TNFAIP8: variants seen among roughly 807,000 people sequenced by gnomAD.
TNFAIP8 encodes tumor necrosis factor alpha-induced protein 8.
TNFAIP8 carries 7 observed loss-of-function variants against 13.3 expected under a neutral mutation model. The observed-to-expected ratio is 0.52, with a 90% CI of 0.30 to 0.99. The LOEUF (loss-of-function observed/expected upper bound fraction) is 0.99. Ranked by LOEUF, TNFAIP8 falls within the 50% of genes least tolerant of loss-of-function variation. The pLI is 0.07. For missense variants in TNFAIP8, 258 were observed against 236.9 expected (o/e 1.09, Z -0.58); for synonymous variants, 94 against 87.6 (o/e 1.07, Z -0.41).
intron 1 of TNFAIP8, among the ~76,000 whole-genome samples, chr5:119,380,331 T>G (rs1438880821): frequency 1.3e-5 from 2 of 152,228 alleles, no homozygotes; most frequent in Admixed American, 6.5e-5. Flanking sequence ...ATGCCAGCTG[T>G]GGGTCTGGTT....
At chr5:119,340,707 C>T in intron 1 of TNFAIP8, among the ~76,000 whole-genome samples, 1 of 152,080 alleles carries the variant, frequency 6.6e-6, no homozygotes, top group East Asian at 1.9e-4. Context: ...CCTCCATATC[C>T]GGACATATGA....
chr5:119,376,961 C>T lies in TNFAIP8; in HGVS notation c.32-15855C>T, dbSNP rs529414975. ...ATAACATAGTTCCCCCTCCCATACA[C>T]ACATTTCATTTTTCTTTTAGCCTAT... is the stretch of plus-strand genomic sequence containing the variant. On this transcript the variant is annotated intron_variant, in intron 1 of 1. Coordinates refer to ENST00000504771, the MANE Select transcript of TNFAIP8 (RefSeq NM_014350.4). 2.9e-4 allele frequency among the ~76,000 whole-genome samples: 44 copies of T among 152,322 alleles called. 1 individual carries two copies. The South Asian group carries it at 8.7e-3, about 30-fold the overall frequency.
At chr5:119,308,519 C>G (rs769134179) in intron 1 of TNFAIP8, among the ~76,000 whole-genome samples, 7 of 150,644 alleles carry the variant, frequency 4.6e-5, no homozygotes, top group Non-Finnish European at 1.0e-4. Flanking sequence ...AGGTCTTAAA[C>G]AGTTGGCACT....
At chr5:119,277,201 G>C (rs1581561838) in intron 1 of TNFAIP8, among the ~76,000 whole-genome samples, 1 of 152,078 alleles carries the variant, frequency 6.6e-6, no homozygotes, top group Admixed American at 6.5e-5. Context: ...ATAGATACGG[G>C]GGACTACTGA....
intron 1 of TNFAIP8, among the ~76,000 whole-genome samples, chr5:119,284,192 A>G (rs1442850924): frequency 6.6e-6 from 1 of 152,164 alleles, no homozygotes; most frequent in African/African-American, 2.4e-5. Context: ...AGGCAATCTG[A>G]TGTTCAAATC....
chr5:119,368,079 T>G (rs1187997057), intron 1 of TNFAIP8, among the ~76,000 whole-genome samples: 2 of 152,206 alleles, frequency 1.3e-5, no homozygotes, highest in Non-Finnish European at 2.9e-5. Flanking sequence ...GTAAAGCAGC[T>G]TAAATTAAAA....
chr5:119,377,058 C>T (rs1370552527), intron 1 of TNFAIP8, among the ~76,000 whole-genome samples: 1 of 152,096 alleles, frequency 6.6e-6, no homozygotes, highest in Non-Finnish European at 1.5e-5. Context: ...TCTGTGCTTC[C>T]TGAGAGTAGG....
chr5:119,327,916 G>T (rs1350352872), intron 1 of TNFAIP8, among the ~76,000 whole-genome samples: 1 of 152,082 alleles, frequency 6.6e-6, no homozygotes, highest in Admixed American at 6.5e-5. Flanking sequence ...CCAACTCTAA[G>T]CTGTTACATT....
chr5:119,371,948 T>C (rs1383930781), intron 1 of TNFAIP8, among the ~76,000 whole-genome samples: 2 of 151,396 alleles, frequency 1.3e-5, no homozygotes, highest in Non-Finnish European at 2.9e-5. Flanking sequence ...CCATCCTGGA[T>C]AACACAGTGA....
At chr5:119,322,299 GACCTAT>G (rs1750083402) in intron 1 of TNFAIP8, among the ~76,000 whole-genome samples, 1 of 152,202 alleles carries the variant, frequency 6.6e-6, no homozygotes, top group Non-Finnish European at 1.5e-5. Flanking sequence ...CGCAGTAAAT[GACCTAT>G]ACATACTTGT....
At chr5:119,342,760 C>T (rs1294491436) in intron 1 of TNFAIP8, among the ~76,000 whole-genome samples, 1 of 152,224 alleles carries the variant, frequency 6.6e-6, no homozygotes, top group Non-Finnish European at 1.5e-5. Context: ...TGGTTATTCT[C>T]TACCTGGGGG....
At position 119,270,313 on chromosome 5, in the gene TNFAIP8, A is replaced by G. The variant is rs113834047; in HGVS notation, c.1+1406A>G. ...ACATTATACTTTGCAGTGTAAACATATGACTCCATCTCTCTTTAAGGAAAG... is the reference window on the plus strand; with the variant it reads ...ACATTATACTTTGCAGTGTAAACATGTGACTCCATCTCTCTTTAAGGAAAG... On this transcript the variant is annotated intron_variant, in intron 1 of 1. Coordinates refer to the TNFAIP8 transcript ENST00000274456. Among the ~76,000 whole-genome samples, 557 of 152,368 alleles carry G rather than the reference A, an allele frequency of 3.7e-3. 3 individuals carry two copies. The highest frequency in any genetic ancestry group is 0.013 in the African/African-American group (532 of 41,576).
intron 1 of TNFAIP8, among the ~76,000 whole-genome samples, chr5:119,277,303 A>G (rs1301813269): frequency 6.6e-6 from 1 of 152,202 alleles, no homozygotes; most frequent in African/African-American, 2.4e-5. Context: ...TTTTCTTTAA[A>G]CAATGATCTT....
intron 1 of TNFAIP8, among the ~76,000 whole-genome samples, chr5:119,364,688 C>A (rs952992304): frequency 4.6e-5 from 7 of 152,022 alleles, no homozygotes; most frequent in South Asian, 2.1e-4. Flanking sequence ...GTTTTGAGAG[C>A]TCTAGCCAGG....
chr5:119,377,067 G>A (rs1352378738), intron 1 of TNFAIP8, among the ~76,000 whole-genome samples: 2 of 152,106 alleles, frequency 1.3e-5, no homozygotes. Context: ...CCTGAGAGTA[G>A]GCACTTTGCC....
intron 1 of TNFAIP8, among the ~76,000 whole-genome samples, chr5:119,370,087 G>A (rs1471068240): frequency 5.3e-5 from 8 of 152,106 alleles, no homozygotes; most frequent in Non-Finnish European, 8.8e-5. Context: ...TGAAATGCCT[G>A]CTTTTCTTTT....
At chr5:119,339,021 T>G (rs900835308) in intron 1 of TNFAIP8, among the ~76,000 whole-genome samples, 7 of 151,618 alleles carry the variant, frequency 4.6e-5, no homozygotes, top group Admixed American at 4.6e-4. Flanking sequence ...CACTTCAGCC[T>G]GGAAATAGAG....
At chr5:119,336,633 AAGCACAAGAACCTAC>A (rs1403368106) in intron 1 of TNFAIP8, among the ~76,000 whole-genome samples, 1 of 152,188 alleles carries the variant, frequency 6.6e-6, no homozygotes, top group African/African-American at 2.4e-5. Context: ...ATTAGCTGTG[AAGCACAAGAACCTAC>A]AGTCTCATAA....
intron 1 of TNFAIP8, among the ~76,000 whole-genome samples, chr5:119,388,990 GAGAT>G (rs1005875054): frequency 1.1e-4 from 16 of 152,088 alleles, no homozygotes; most frequent in Non-Finnish European, 1.5e-5. Flanking sequence ...TATGTGAAAA[GAGAT>G]AGAAAGGGGT....
Sources: gnomAD v4.1 joint callset for allele counts (sites outside exome capture counted in the v4.1 genomes callset) on GRCh38, gnomAD v4.1.1 for gene constraint, MANE v1.5 for transcripts, NCBI Gene and HGNC (gene_info 2026-07-23, HGNC 2026-07-21) for gene names.